The following FLT3 variants were observed in gnomAD, a reference collection of about 807,000 sequenced individuals.
FLT3 encodes fms related receptor tyrosine kinase 3, also known as receptor-type tyrosine-protein kinase FLT3.
FLT3 carries 46 observed loss-of-function variants against 126.6 expected under a neutral mutation model. The ratio of observed to expected loss-of-function variants is 0.36; its 90% CI spans 0.29 to 0.46. The LOEUF (loss-of-function observed/expected upper bound fraction) is 0.46, where lower values mean the gene tolerates loss of function less well. Ranked by LOEUF, FLT3 falls within the 20% of genes least tolerant of loss-of-function variation. The probability of loss-of-function intolerance (pLI) is 1.00; values close to 1 mark genes in which losing one functional copy is unlikely to be tolerated. For synonymous variants in FLT3, 404 were observed against 434.4 expected (o/e 0.93, Z 0.87); for missense variants, 1,069 against 1,190.3 (o/e 0.90, Z 1.50).
intron 9 of FLT3, among the ~76,000 whole-genome samples, chr13:28,038,209 G>C (rs1357142839): frequency 6.6e-6 from 1 of 152,110 alleles, no homozygotes; most frequent in Admixed American, 6.6e-5. Context: ...TCAATATTTT[G>C]ACACAGATAA....
chr13:28,084,697 C>T (rs9554246), intron 1 of FLT3, among the ~76,000 whole-genome samples: 80,522 of 151,956 alleles, frequency 0.53, 22,804 homozygotes, highest in East Asian at 0.73. Flanking sequence ...AATTTACAGC[C>T]GGGCGCAGTG....
chr13:28,034,301 CT>C lies in FLT3; in HGVS notation c.1703del (p.Lys568SerfsTer14). 1.2e-6 allele frequency: 2 copies of C among 1,613,240 alleles called. No individual in the cohort carries two copies. The highest frequency in any genetic ancestry group is 2.2e-5 in the East Asian group (1 of 44,852). On this transcript the variant is annotated frameshift_variant and splice_region_variant, in exon 13 of 24. Transcript: ENST00000241453. LOFTEE classifies it high-confidence loss of function. ...AATGAATTTTTACCTTTGCTTTTAC[CT>C]TTTTGTACTTGTGACAAATTAGCAG... ...LTLLICHKYK[K>X]QFRYESQLQM...
At chr13:28,083,121 A>G (rs1254276723) in intron 1 of FLT3, among the ~76,000 whole-genome samples, 1 of 152,150 alleles carries the variant, frequency 6.6e-6, no homozygotes, top group Non-Finnish European at 1.5e-5. Flanking sequence ...GATTACAGGC[A>G]TGATCCACCA....
chr13:28,046,746 C>A (rs975456340), intron 9 of FLT3, among the ~76,000 whole-genome samples: 28 of 151,990 alleles, frequency 1.8e-4, no homozygotes, highest in African/African-American at 6.5e-4. Flanking sequence ...AAGGTGTACA[C>A]CACCACACTC....
intron 1 of FLT3, among the ~76,000 whole-genome samples, chr13:28,088,516 G>A (rs1449516582): frequency 6.6e-6 from 1 of 151,298 alleles, no homozygotes; most frequent in African/African-American, 2.4e-5. Flanking sequence ...TTGAACTGCT[G>A]ACCTCAGGTG....
intron 16 of FLT3, 73 bp downstream of exon 16, chr13:28,028,104 AG>A (rs1872974244): frequency 5.1e-6 from 4 of 780,636 alleles, no homozygotes; most frequent in Non-Finnish European, 9.2e-6. Context: ...AGAGAGAGAG[AG>A]AGAGAGCAAA....
chr13:28,026,489 A>T (rs1214519056), intron 17 of FLT3, among the ~76,000 whole-genome samples: 1 of 152,130 alleles, frequency 6.6e-6, no homozygotes, highest in Non-Finnish European at 1.5e-5. Flanking sequence ...AAGGATGAGG[A>T]GGAGATCCAG....
chr13:28,089,586 C>T (rs1878894138), intron 1 of FLT3, among the ~76,000 whole-genome samples: 1 of 151,996 alleles, frequency 6.6e-6, no homozygotes, highest in South Asian at 2.1e-4. Flanking sequence ...TCTGATAATT[C>T]TGCTATGTGA....
chr13:28,020,666 G>A (rs1383726911), intron 19 of FLT3, among the ~76,000 whole-genome samples: 1 of 152,030 alleles, frequency 6.6e-6, no homozygotes, highest in Non-Finnish European at 1.5e-5. Flanking sequence ...TCTTCGACTT[G>A]CATGTCTGCT....
intron 1 of FLT3, among the ~76,000 whole-genome samples, chr13:28,082,900 G>C (rs1017823344): frequency 6.6e-6 from 1 of 151,866 alleles, no homozygotes; most frequent in Non-Finnish European, 1.5e-5. Context: ...TAGAGACGGG[G>C]TTTCACTGTG....
chr13:28,087,561 T>C (rs9581987), intron 1 of FLT3, among the ~76,000 whole-genome samples: 24,406 of 152,176 alleles, frequency 0.16, 2,146 homozygotes, highest in Middle Eastern at 0.26. Context: ...AGGTTTATCA[T>C]TTTTATCCGA....
chr13:28,035,694 G>A (rs747024898), intron 11 of FLT3, 21 bp from the exon 12 acceptor site: 1 of 1,593,198 alleles, frequency 6.3e-7, no homozygotes, highest in South Asian at 1.2e-5. Context: ...AAATAGCAAA[G>A]AATTTAGACA....
rs192587874 is a variant in FLT3, at chr13:28,074,754, C to T, written c.44-4142G>A. ...CTCCTGGGCTCAAGCCATCCCCCCA[C>T]CTTAGCTTCCCGAGTAGCTGGGACA... On this transcript the variant is annotated intron_variant, in intron 1 of 23. Transcript: ENST00000241453. Among the ~76,000 whole-genome samples the T allele has an allele frequency of 2.1e-3, 317 of 152,260 alleles. 3 individuals are homozygous for T. The highest frequency in any genetic ancestry group is 7.2e-3 in the African/African-American group (299 of 41,560).
chr13:28,042,771 G>C (rs1310419586), intron 9 of FLT3, among the ~76,000 whole-genome samples: 1 of 151,920 alleles, frequency 6.6e-6, no homozygotes, highest in East Asian at 1.9e-4. Context: ...AAGTGAATGG[G>C]AACGGCATTT....
intron 2 of FLT3, among the ~76,000 whole-genome samples, chr13:28,063,367 C>A (rs1876739810): frequency 6.6e-6 from 1 of 152,128 alleles, no homozygotes; most frequent in African/African-American, 2.4e-5. Context: ...GTAATCCCAG[C>A]TACTCAGGAG....
At chr13:28,071,055 C>T (rs1035100796) in intron 1 of FLT3, among the ~76,000 whole-genome samples, 6 of 125,524 alleles carry the variant, frequency 4.8e-5, no homozygotes, top group Admixed American at 3.2e-4. Flanking sequence ...AGTGCAGTGG[C>T]GCGTTCTTGG....
chr13:28,062,191 G>A lies in FLT3; in HGVS notation c.166-122C>T. The A allele has an allele frequency of 7.4e-6, 5 of 675,210 alleles. No homozygotes were observed. The South Asian group carries it at 7.4e-5, about 10-fold the overall frequency. The allele number at this position is 675,210 out of a possible 1,614,324, so 41.8% of individuals were successfully genotyped here. On this transcript the variant is annotated intron_variant, in intron 2 of 23. Transcript: ENST00000241453. ...CACACTGCACGCAACACCCACACAA[G>A]CTGGAACCCACTGAGAACACGTTGC...
chr13:28,052,178 T>G (rs896983120), intron 5 of FLT3, among the ~76,000 whole-genome samples: 10 of 151,768 alleles, frequency 6.6e-5, no homozygotes, highest in Non-Finnish European at 1.5e-4. Flanking sequence ...CACCACAACC[T>G]TTGCCTCCCA....
intron 10 of FLT3, 32 bp downstream of exon 10, chr13:28,037,153 A>G: frequency 7.8e-7 from 1 of 1,286,304 alleles, no homozygotes; most frequent in Middle Eastern, 2.3e-4. Context: ...GAATTAAAAA[A>G]TAAAAATCAA....
Sources: allele counts gnomAD v4.1 joint callset (sites outside exome capture counted in the v4.1 genomes callset), GRCh38; gene constraint gnomAD v4.1.1; transcripts MANE v1.5; gene names NCBI Gene and HGNC (gene_info 2026-07-23, HGNC 2026-07-21).